TJP2: variants seen among roughly 807,000 people sequenced by gnomAD.
TJP2 encodes tight junction protein 2, also known as Friedreich ataxia region gene X104 (tight junction protein ZO-2).
In TJP2, 91 loss-of-function variants were observed where a neutral mutation model predicts 133.1. The observed-to-expected ratio is 0.68, with a 90% confidence interval of 0.58 to 0.81. The LOEUF is 0.81. Among genes scored for constraint, TJP2 ranks in the 40% least tolerant of loss-of-function variants. TJP2 has a pLI of 0.00. For synonymous variants in TJP2, 592 were observed against 583.4 expected (o/e 1.01, Z -0.21); for missense variants, 1,541 against 1,565.6 (o/e 0.98, Z 0.26).
In TJP2 at chr9:69,137,276, TTTCTTTCTTTCTTTCTTTC is replaced by T. The variant is rs1564372550; in HGVS notation, c.-130-14372_-130-14354del. 8.5e-3 allele frequency among the ~76,000 whole-genome samples: 944 copies of T among 110,420 alleles called. 10 individuals are homozygous for T. Among genetic ancestry groups the T allele is most frequent in the African/African-American group, 0.033 (894 of 27,200 alleles). The allele number at this position is 110,420 out of a possible 152,430, so 72.4% of individuals were successfully genotyped here. Reference sequence around the variant, plus strand: ...TTCTTTCTTTCTTTCTTTCTTTTTCTTTCTTTCTTTCTTTCTTTCTTTCTTTTCTTTTCTTTTCTTTTCT... The same window carrying T: ...TTCTTTCTTTCTTTCTTTCTTTTTCTTTTCTTTTCTTTTCTTTTCTTTTCT... On this transcript the variant is annotated intron_variant, in intron 1 of 5. Coordinates refer to the TJP2 transcript ENST00000423935.
chr9:69,169,374 G>A (rs1824551774), upstream of TJP2, among the ~76,000 whole-genome samples: 1 of 149,322 alleles, frequency 6.7e-6, no homozygotes, highest in African/African-American at 2.5e-5. Flanking sequence ...TTTTTTGGGG[G>A]GGGGATGGAG....
intron 1 of TJP2, among the ~76,000 whole-genome samples, chr9:69,191,883 C>T (rs942489415): frequency 7.9e-5 from 12 of 151,110 alleles, no homozygotes; most frequent in African/African-American, 2.4e-4. Flanking sequence ...ATTATAGGCA[C>T]GTACCACCAC....
chr9:69,225,562 A>T lies in TJP2; in HGVS notation c.1056+155A>T, dbSNP rs12683448. The stretch of plus-strand genomic sequence containing the variant: ...AGCATAATGAGACGATTTTTATCAG[A>T]AAAACCAGACATTGAGGGTCGTAAC... On this transcript the variant is annotated intron_variant, in intron 6 of 22. Transcript: ENST00000377245. Among the ~76,000 whole-genome samples the T allele has an allele frequency of 0.069, 10,561 of 152,302 alleles. 393 individuals are homozygous for T. Among genetic ancestry groups the T allele is most frequent in the East Asian group, 0.098 (508 of 5,188 alleles).
chr9:69,219,005 T>C (rs1054188329), intron 4 of TJP2, among the ~76,000 whole-genome samples: 1 of 151,858 alleles, frequency 6.6e-6, no homozygotes, highest in African/African-American at 2.4e-5. Context: ...GTTTTGCTCT[T>C]GTTGCCCAGG....
At chr9:69,134,472 G>A (rs578228724) in intron 1 of TJP2, among the ~76,000 whole-genome samples, 3 of 152,288 alleles carry the variant, frequency 2.0e-5, no homozygotes, top group South Asian at 2.1e-4. Context: ...GAGTGGTGTT[G>A]GAGGCCTGAA....
chr9:69,165,646 G>T (rs1824310384), intron 2 of TJP2, among the ~76,000 whole-genome samples: 1 of 152,142 alleles, frequency 6.6e-6, no homozygotes, highest in African/African-American at 2.4e-5. Context: ...TCAGTGGAGG[G>T]CTAACAAGGG....
At chr9:69,228,436 G>T (rs560020671) in intron 9 of TJP2, among the ~76,000 whole-genome samples, 1 of 152,314 alleles carries the variant, frequency 6.6e-6, no homozygotes, top group East Asian at 1.9e-4. Context: ...GACAGGATCA[G>T]TTGTACCCCA....
At chr9:69,246,032 T>C (rs189484886) in intron 17 of TJP2, among the ~76,000 whole-genome samples, 168 of 152,370 alleles carry the variant, frequency 1.1e-3, no homozygotes, top group Admixed American at 4.1e-3. Flanking sequence ...CAGGGTTTTT[T>C]TCTTGTCATT....
At chr9:69,229,945 A>G (rs1450911476) in intron 10 of TJP2, 137 bp from the exon 11 acceptor site, 16 of 1,098,458 alleles carry the variant, frequency 1.5e-5, no homozygotes, top group Admixed American at 1.9e-5. Flanking sequence ...TATGAGATAG[A>G]TGAGAAAAAT....
At chr9:69,231,982 G>A (rs1355532886) in intron 11 of TJP2, among the ~76,000 whole-genome samples, 2 of 152,176 alleles carry the variant, frequency 1.3e-5, no homozygotes, top group East Asian at 1.9e-4. Flanking sequence ...ATGTTCAGGG[G>A]CTGGGAGATT....
At chr9:69,192,920 CTTTTTT>C (rs35014942) in intron 1 of TJP2, among the ~76,000 whole-genome samples, 10 of 107,176 alleles carry the variant, frequency 9.3e-5, no homozygotes, top group Non-Finnish European at 1.5e-4. Flanking sequence ...TTCTCTCTCA[CTTTTTT>C]TTTTTTTTTT....
chr9:69,202,897 G>A (rs1325983817), intron 1 of TJP2, among the ~76,000 whole-genome samples: 3 of 152,090 alleles, frequency 2.0e-5, no homozygotes, highest in African/African-American at 7.2e-5. Flanking sequence ...AAATGGTTAA[G>A]ATAATAAATT....
chr9:69,227,345 C>T (rs904545925), intron 7 of TJP2, among the ~76,000 whole-genome samples: 2 of 152,132 alleles, frequency 1.3e-5, no homozygotes, highest in Non-Finnish European at 2.9e-5. Context: ...TCTGCATAAT[C>T]AGGTAACTGG....
chr9:69,129,663 G>A (rs1458826152), intron 1 of TJP2, among the ~76,000 whole-genome samples: 1 of 152,160 alleles, frequency 6.6e-6, no homozygotes, highest in Non-Finnish European at 1.5e-5. Context: ...AAGGCTGGGT[G>A]CGATGTCTCA....
chr9:69,207,889 C>T (rs1827561528), intron 1 of TJP2, among the ~76,000 whole-genome samples: 3 of 152,176 alleles, frequency 2.0e-5, no homozygotes. Flanking sequence ...GTGGGGTGCT[C>T]TGTGTTTCTG....
At chr9:69,188,478 T>C (rs1825999321) in intron 1 of TJP2, among the ~76,000 whole-genome samples, 1 of 152,220 alleles carries the variant, frequency 6.6e-6, no homozygotes, top group South Asian at 2.1e-4. Context: ...CTCTGCTTTT[T>C]AGAATCACAG....
intron 1 of TJP2, among the ~76,000 whole-genome samples, chr9:69,187,850 G>C (rs1049373418): frequency 2.0e-5 from 3 of 152,150 alleles, no homozygotes; most frequent in Admixed American, 6.5e-5. Flanking sequence ...GAGAAGGTGA[G>C]TCTCAAAAGA....
At chr9:69,213,182 G>A (rs564095259) in intron 2 of TJP2, among the ~76,000 whole-genome samples, 131 of 149,796 alleles carry the variant, frequency 8.7e-4, no homozygotes, top group African/African-American at 2.5e-3. Flanking sequence ...TCCTGCCTCA[G>A]CCTCCCAAGT....
At chr9:69,180,723 T>G (rs1825433155) in intron 1 of TJP2, among the ~76,000 whole-genome samples, 1 of 152,164 alleles carries the variant, frequency 6.6e-6, no homozygotes, top group Non-Finnish European at 1.5e-5. Context: ...AACTAAACAT[T>G]TCTGTTTTTG....
Sources: allele counts gnomAD v4.1 joint callset (sites outside exome capture counted in the v4.1 genomes callset), GRCh38; gene constraint gnomAD v4.1.1; transcripts MANE v1.5; gene names NCBI Gene and HGNC (gene_info 2026-07-23, HGNC 2026-07-21).